The following EFCAB6 variants were observed in gnomAD, a reference collection of about 807,000 sequenced individuals.
EFCAB6 encodes EF-hand calcium-binding domain-containing protein 6.
EFCAB6 carries 156 observed loss-of-function variants against 169.8 expected under a neutral mutation model. The observed-to-expected ratio is 0.92, with a 90% CI of 0.81 to 1.05. The LOEUF (loss-of-function observed/expected upper bound fraction) is 1.05, where lower values mean the gene tolerates loss of function less well. Among genes scored for constraint, EFCAB6 ranks in the 50% least tolerant of loss-of-function variants. The probability of loss-of-function intolerance (pLI) is 0.00; values close to 1 mark genes in which losing one functional copy is unlikely to be tolerated. For synonymous variants in EFCAB6, 698 were observed against 676.4 expected (o/e 1.03, Z -0.50); for missense variants, 1,800 against 1,829.1 (o/e 0.98, Z 0.29).
chr22:43,769,856 A>T (rs1409642866), intron 4 of EFCAB6, among the ~76,000 whole-genome samples: 2 of 143,620 alleles, frequency 1.4e-5, no homozygotes, highest in South Asian at 2.3e-4. Flanking sequence ...AGGTGAGCTA[A>T]TTTTTTTTTT....
intron 10 of EFCAB6, among the ~76,000 whole-genome samples, chr22:43,688,553 C>T (rs1215209870): frequency 6.6e-6 from 1 of 152,180 alleles, no homozygotes; most frequent in Non-Finnish European, 1.5e-5. Context: ...ACCAGAGTAC[C>T]TGCTCCTGCA....
chr22:43,733,117 C>G (rs1002234812), intron 7 of EFCAB6, among the ~76,000 whole-genome samples: 1 of 152,078 alleles, frequency 6.6e-6, no homozygotes, highest in African/African-American at 2.4e-5. Flanking sequence ...GATAAATGAT[C>G]TCTAGGTGTG....
At chr22:43,695,308 C>T (rs1407976479) in intron 10 of EFCAB6, among the ~76,000 whole-genome samples, 5 of 151,676 alleles carry the variant, frequency 3.3e-5, no homozygotes, top group East Asian at 1.9e-4. Context: ...ATGCAAGATC[C>T]GAACATTGTA....
At chr22:43,688,500 A>G (rs2058284637) in intron 10 of EFCAB6, among the ~76,000 whole-genome samples, 1 of 152,224 alleles carries the variant, frequency 6.6e-6, no homozygotes, top group South Asian at 2.1e-4. Flanking sequence ...GAGTTATAAG[A>G]TTCCTGTGGG....
At chr22:43,802,770 C>T in intron 2 of EFCAB6, 1 of 509,198 alleles carries the variant, frequency 2.0e-6, no homozygotes, top group Non-Finnish European at 3.9e-6. Context: ...GTTGGAGATG[C>T]CAAGTGAAGT....
At chr22:43,802,498 T>TGA (rs2062760010) in intron 2 of EFCAB6, 1 of 312,694 alleles carries the variant, frequency 3.2e-6, no homozygotes, top group Non-Finnish European at 6.2e-6. Context: ...GCCACTGCAC[T>TGA]TCAACCTGGG....
chr22:43,616,534 C>T (rs759509894), intron 20 of EFCAB6, among the ~76,000 whole-genome samples: 2 of 152,136 alleles, frequency 1.3e-5, no homozygotes, highest in African/African-American at 4.8e-5. Context: ...ATGGTAGAAA[C>T]GTGCCTGTAA....
At chr22:43,715,791 A>G (rs1430348914) in intron 9 of EFCAB6, among the ~76,000 whole-genome samples, 2 of 152,240 alleles carry the variant, frequency 1.3e-5, no homozygotes, top group Admixed American at 1.3e-4. Flanking sequence ...AGTCATTAAC[A>G]ACAACTAGAG....
At chr22:43,691,585 T>A (rs2058414234) in intron 10 of EFCAB6, among the ~76,000 whole-genome samples, 1 of 152,202 alleles carries the variant, frequency 6.6e-6, no homozygotes, top group Admixed American at 6.5e-5. Context: ...CAAACTTACC[T>A]ATTTAATTAC....
chr22:43,623,723 G>A (rs541902143), intron 20 of EFCAB6, among the ~76,000 whole-genome samples: 33 of 133,882 alleles, frequency 2.5e-4, no homozygotes, highest in Non-Finnish European at 3.6e-4. Context: ...GTGAAACCCC[G>A]TCTCTACTAA....
In EFCAB6 at chr22:43,590,297, C is replaced by T. The variant is rs1056641297; in HGVS notation, c.2877-68G>A. On this transcript the variant is annotated intron_variant, in intron 23 of 31. Transcript: ENST00000262726. Reference sequence around the variant, plus strand: ...ACAAATAACTCCTTTAAAGCAAACACTGCATGATTATTCTAATGCAATGAG... The same window carrying T: ...ACAAATAACTCCTTTAAAGCAAACATTGCATGATTATTCTAATGCAATGAG... 5.2e-6 allele frequency: 8 copies of T among 1,542,114 alleles called. No homozygotes were observed. In the East Asian group the frequency reaches 1.6e-4, roughly 31 times the overall value.
intron 25 of EFCAB6, among the ~76,000 whole-genome samples, chr22:43,578,960 A>G: frequency 7.5e-6 from 1 of 132,524 alleles, no homozygotes; most frequent in African/African-American, 2.9e-5. Flanking sequence ...GCATCATTCC[A>G]TACACATAGG....
chr22:43,800,835 T>TTTTG (rs2062684653), intron 2 of EFCAB6, among the ~76,000 whole-genome samples: 1 of 152,146 alleles, frequency 6.6e-6, no homozygotes, highest in Non-Finnish European at 1.5e-5. Flanking sequence ...CTATAAGATA[T>TTTTG]AGAAAATTTC....
chr22:43,750,406 A>C (rs904406974), intron 6 of EFCAB6, among the ~76,000 whole-genome samples: 2 of 152,208 alleles, frequency 1.3e-5, no homozygotes, highest in Non-Finnish European at 2.9e-5. Context: ...TATGATTGAT[A>C]GGCTTTTCTG....
At chr22:43,731,241 G>C (rs1166569028) in intron 8 of EFCAB6, among the ~76,000 whole-genome samples, 1 of 152,172 alleles carries the variant, frequency 6.6e-6, no homozygotes. Flanking sequence ...TAATGACCTG[G>C]CTTTGCTTGT....
At chr22:43,705,156 G>A (rs963141345) in intron 10 of EFCAB6, among the ~76,000 whole-genome samples, 2 of 152,024 alleles carry the variant, frequency 1.3e-5, no homozygotes, top group African/African-American at 2.4e-5. Context: ...TGATAAAGGG[G>A]TCACTTCATC....
At chr22:43,591,249 A>G (rs2051521571) in intron 23 of EFCAB6, among the ~76,000 whole-genome samples, 1 of 150,852 alleles carries the variant, frequency 6.6e-6, no homozygotes, top group Admixed American at 6.6e-5. Flanking sequence ...CGAGGTCAGG[A>G]GTTCGAGACC....
chr22:43,809,166 T>C (rs2063020444), intron 1 of EFCAB6, 35 bp from the exon 2 acceptor site: 1 of 152,178 alleles, frequency 6.6e-6, no homozygotes. Flanking sequence ...AGGTTAGACC[T>C]ATTTTTCCAG....
intron 2 of EFCAB6, among the ~76,000 whole-genome samples, chr22:43,785,300 A>G (rs2062036198): frequency 6.6e-6 from 1 of 152,164 alleles, no homozygotes; most frequent in African/African-American, 2.4e-5. Flanking sequence ...GCCTCAATAC[A>G]TTTAAAAGGA....
Sources: gnomAD v4.1 joint callset for allele counts (sites outside exome capture counted in the v4.1 genomes callset) on GRCh38, gnomAD v4.1.1 for gene constraint, MANE v1.5 for transcripts, NCBI Gene and HGNC (gene_info 2026-07-23, HGNC 2026-07-21) for gene names.